The following DMXL2 variants were observed in gnomAD, a reference collection of about 807,000 sequenced individuals.
The protein encoded by DMXL2 is Dmx like 2.
Under a neutral mutation model 331.1 loss-of-function variants are expected in DMXL2, and 103 were observed. The ratio of observed to expected loss-of-function variants is 0.31; its 90% CI spans 0.27 to 0.37. DMXL2 has a LOEUF of 0.37. DMXL2 is among the 10% of genes least tolerant of loss of function. The pLI, the probability that DMXL2 is intolerant of heterozygous loss-of-function variation, is 1.00. For missense variants in DMXL2, 3,171 were observed against 3,642.9 expected (o/e 0.87, Z 3.33); for synonymous variants, 1,281 against 1,252.1 (o/e 1.02, Z -0.49).
chr15:51,560,693 A>G lies in DMXL2; in HGVS notation c.567+2688T>C, dbSNP rs892897694. On this transcript the variant is annotated intron_variant, in intron 6 of 43. Coordinates refer to ENST00000560891, the MANE Select transcript of DMXL2 (RefSeq NM_001378457.1). Reference sequence around the variant, plus strand: ...CAAAAAAAAAAAAAAGAAAAGAAAAAAAAGAAAAACACAAACTCTGTTAAG... The same window carrying G: ...CAAAAAAAAAAAAAAGAAAAGAAAAGAAAGAAAAACACAAACTCTGTTAAG... 4.6e-5 allele frequency among the ~76,000 whole-genome samples: 7 copies of G among 151,258 alleles called. No individual in the cohort carries two copies. The East Asian group carries it at 1.2e-3, about 25-fold the overall frequency.
chr15:51,506,825 A>C (rs2046431028), intron 16 of DMXL2, among the ~76,000 whole-genome samples: 1 of 152,262 alleles, frequency 6.6e-6, no homozygotes, highest in Admixed American at 6.5e-5. Flanking sequence ...ATTAACAAAA[A>C]AGTACAATAT....
chr15:51,482,997 A>G (rs1158030804), intron 23 of DMXL2, among the ~76,000 whole-genome samples: 1 of 152,034 alleles, frequency 6.6e-6, no homozygotes, highest in Non-Finnish European at 1.5e-5. Flanking sequence ...CTGCAGCCCT[A>G]TCTCCCCCAC....
chr15:51,605,800 C>T (rs79394561), intron 1 of DMXL2, among the ~76,000 whole-genome samples: 2 of 42,588 alleles, frequency 4.7e-5, no homozygotes, highest in African/African-American at 6.7e-5. Flanking sequence ...GCCTCGGCCT[C>T]CCAAAGTGCT....
chr15:51,489,148 C>T (rs180768730), intron 20 of DMXL2, among the ~76,000 whole-genome samples: 109 of 152,262 alleles, frequency 7.2e-4, no homozygotes, highest in African/African-American at 2.5e-3. Context: ...ATATTGTATG[C>T]AATCATACTG....
Position 51,608,763 on chromosome 15 carries a change from A to G in DMXL2, c.87+13696T>C, listed in dbSNP as rs1595740451. Among the ~76,000 whole-genome samples the G allele has an allele frequency of 1.2e-4, 5 of 41,706 alleles. No homozygotes were observed. The East Asian group carries it at 3.0e-3, about 25-fold the overall frequency. The allele number at this position is 41,706 out of a possible 152,430, so 27.4% of individuals were successfully genotyped here. On this transcript the variant is annotated intron_variant, in intron 1 of 43. Coordinates refer to ENST00000560891, the MANE Select transcript of DMXL2 (RefSeq NM_001378457.1). The stretch of plus-strand genomic sequence containing the variant: ...GAAACTAAAAGTTTAAAAAAGAATG[A>G]AAAAAAAAGGCTTTTTTAGACAAAC...
intron 3 of DMXL2, among the ~76,000 whole-genome samples, chr15:51,566,231 GGGTGTGTGTGTGTGTGTGTGT>G (rs2050266719): frequency 1.1e-5 from 1 of 94,604 alleles, no homozygotes; most frequent in Non-Finnish European, 2.1e-5. Flanking sequence ...TGTGTGTGTG[GGGTGTGTGTGTGTGTGTGTGT>G]GTGTGTGTGT....
chr15:51,524,575 TGA>T (rs944206624), intron 13 of DMXL2, among the ~76,000 whole-genome samples: 3 of 152,132 alleles, frequency 2.0e-5, no homozygotes, highest in Non-Finnish European at 2.9e-5. Context: ...AGCGTGGTGC[TGA>T]GAGAGTTTCT....
chr15:51,617,185 T>G (rs1429730790), intron 1 of DMXL2, among the ~76,000 whole-genome samples: 1 of 152,198 alleles, frequency 6.6e-6, no homozygotes, highest in Non-Finnish European at 1.5e-5. Flanking sequence ...CAAGTTAAGA[T>G]AATCTGATTA....
intron 14 of DMXL2, among the ~76,000 whole-genome samples, chr15:51,516,168 T>C (rs11070854): frequency 0.47 from 72,127 of 152,020 alleles, 17,537 homozygotes; most frequent in Non-Finnish European, 0.52. Context: ...TGGTAGCTTC[T>C]TTACCAAACT....
At chr15:51,618,557 A>G (rs559406222) in intron 1 of DMXL2, among the ~76,000 whole-genome samples, 1 of 147,346 alleles carries the variant, frequency 6.8e-6, no homozygotes, top group Non-Finnish European at 1.5e-5. Flanking sequence ...ATTTTAATTT[A>G]AAAAAAAAAT....
At chr15:51,546,528 T>A (rs1204672595) in intron 7 of DMXL2, among the ~76,000 whole-genome samples, 1 of 152,082 alleles carries the variant, frequency 6.6e-6, no homozygotes, top group East Asian at 1.9e-4. Context: ...AAAATAACCC[T>A]CCCTCAAGAA....
intron 5 of DMXL2, 150 bp downstream of exon 5, chr15:51,563,975 T>C (rs1412610237): frequency 2.8e-6 from 2 of 723,466 alleles, no homozygotes; most frequent in Non-Finnish European, 2.2e-6. Context: ...AAGAATGCTA[T>C]TATATGGGTT....
chr15:51,540,446 T>A (rs1040131893), intron 9 of DMXL2, among the ~76,000 whole-genome samples: 4 of 152,138 alleles, frequency 2.6e-5, no homozygotes, highest in Non-Finnish European at 5.9e-5. Context: ...ATTTAGGGTA[T>A]TGTAATCAAC....
chr15:51,465,663 G>GAAA lies in DMXL2; in HGVS notation c.7521-13_7521-12insTTT. ...GTAGAAGAGCCCAGCTGTTCAAGGAGGGGCAAAAAGAGTCTTTAAGTGAAA... is the reference window on the plus strand; with the variant it reads ...GTAGAAGAGCCCAGCTGTTCAAGGAGAAAGGGCAAAAAGAGTCTTTAAGTGAAA... On this transcript the variant is annotated splice_polypyrimidine_tract_variant and intron_variant, in intron 30 of 43. Transcript: ENST00000560891. 1 of 1,548,794 alleles carries GAAA rather than the reference G, an allele frequency of 6.5e-7. No individual in the cohort carries two copies. Among genetic ancestry groups the GAAA allele is most frequent in the South Asian group, 1.2e-5 (1 of 83,646 alleles).
intron 15 of DMXL2, among the ~76,000 whole-genome samples, chr15:51,508,433 T>C (rs572671586): frequency 3.3e-5 from 5 of 152,134 alleles, no homozygotes; most frequent in East Asian, 1.9e-4. Flanking sequence ...AGTAAACTAT[T>C]ACAATAATGA....
intron 2 of DMXL2, among the ~76,000 whole-genome samples, chr15:51,574,671 T>G (rs1420366358): frequency 6.6e-6 from 1 of 152,100 alleles, no homozygotes; most frequent in Non-Finnish European, 1.5e-5. Flanking sequence ...CCACAAGGAC[T>G]GGGGGATAAA....
rs563619175 is a variant in DMXL2 at position 51,545,701 on chromosome 15, G to A, written c.812C>T (p.Thr271Ile). 5 of 1,613,672 alleles carry A rather than the reference G, an allele frequency of 3.1e-6. No homozygotes were observed. The South Asian group carries it at 5.5e-5, about 18-fold the overall frequency. The stretch of plus-strand genomic sequence containing the variant: ...CAAAAGACAGTCTTCTGGTAATAAA[G>A]TTTCTGCCCAGAGCCGGCACACACC... ...HDGVCRLWAE[T>I]LLPEDCLLGE... Residue 271 changes from threonine to isoleucine, a missense_variant, in exon 8 of 44, where the codon ACT (threonine) becomes ATT (isoleucine). Physicochemically the swap from Thr to Ile is moderately conservative, Grantham distance 89. Around this residue, in one of 7 missense-constraint regions of DMXL2, gnomAD observed 1,674 missense variants for 1,780.2 expected, o/e 0.94. Transcript: ENST00000560891.
Position 51,499,000 on chromosome 15 carries a change from T to C in DMXL2, c.4224A>G (p.Glu1408=). Reference sequence around the variant, plus strand: ...TACCATCTTTTCCTACGGTGACTGTTTCCTTTGCTGTACTGCCACTTACAC... The same window carrying C: ...TACCATCTTTTCCTACGGTGACTGTCTCCTTTGCTGTACTGCCACTTACAC... ...TISVSGSTAK[E]TVTVGKDGTR... is the part of the protein sequence containing the mutation. The change falls in exon 18 of 44, where the codon GAA becomes GAG. Residue 1408 remains glutamate, a synonymous_variant. Coordinates refer to ENST00000560891, the MANE Select transcript of DMXL2 (RefSeq NM_001378457.1). 6.2e-7 allele frequency: 1 copy of C among 1,614,048 alleles called. No homozygotes were observed. The highest frequency in any genetic ancestry group is 1.3e-5 in the African/African-American group (1 of 75,058).
intron 2 of DMXL2, among the ~76,000 whole-genome samples, chr15:51,573,770 C>G (rs1438963221): frequency 6.6e-6 from 1 of 152,020 alleles, no homozygotes; most frequent in African/African-American, 2.4e-5. Context: ...TGCAGCAAAC[C>G]ACCATGGCAC....
Sources: gnomAD v4.1 joint callset for allele counts (sites outside exome capture counted in the v4.1 genomes callset) on GRCh38, gnomAD v4.1.1 for gene constraint, gnomAD v4.1.1 regional missense constraint, MANE v1.5 for transcripts, NCBI Gene and HGNC (gene_info 2026-07-23, HGNC 2026-07-21) for gene names.